Variants in CAMSAP1 observed in about 807,000 individuals in gnomAD.
The protein encoded by CAMSAP1 is calmodulin-regulated spectrin-associated protein 1.
A neutral mutation model predicts 143.5 loss-of-function variants in CAMSAP1; 58 were observed. That is an observed-to-expected ratio of 0.40 (90% CI 0.33 to 0.50). The LOEUF (loss-of-function observed/expected upper bound fraction) is 0.50. Ranked by LOEUF, CAMSAP1 falls within the 20% of genes least tolerant of loss-of-function variation. The probability of loss-of-function intolerance (pLI) is 0.45; values close to 1 mark genes in which losing one functional copy is unlikely to be tolerated. For missense variants in CAMSAP1, 1,969 were observed against 2,115.7 expected, an observed-to-expected ratio of 0.93 and a Z score of 1.36; for synonymous variants, 945 against 859.3, an observed-to-expected ratio of 1.10 and a Z score of -1.74.
chr9:135,871,141 C>T (rs1837557915), intron 3 of CAMSAP1, among the ~76,000 whole-genome samples: 1 of 152,122 alleles, frequency 6.6e-6, no homozygotes, highest in South Asian at 2.1e-4. Flanking sequence ...CTCTAGCAAG[C>T]CAGATAGTAA....
intron 1 of CAMSAP1, among the ~76,000 whole-genome samples, chr9:135,892,867 A>AAAAAAAAAAAAAAG (rs1554800261): frequency 5.0e-4 from 74 of 147,810 alleles, no homozygotes; most frequent in African/African-American, 1.7e-3. Context: ...AAAAAAAAAA[A>AAAAAAAAAAAAAAG]GAACTAATCA....
chr9:135,849,044 C>T (rs953629817), intron 7 of CAMSAP1, among the ~76,000 whole-genome samples: 2 of 152,226 alleles, frequency 1.3e-5, no homozygotes, highest in Non-Finnish European at 2.9e-5. Context: ...GATATATACC[C>T]GCACAGATGC....
intron 5 of CAMSAP1, among the ~76,000 whole-genome samples, chr9:135,861,475 G>T (rs1837190343): frequency 6.6e-6 from 1 of 152,058 alleles, no homozygotes; most frequent in South Asian, 2.1e-4. Flanking sequence ...ACCACACCTG[G>T]CTAATTTTTA....
Position 135,818,967 on chromosome 9 carries a change from AG to A in CAMSAP1, c.3959+42del, listed in dbSNP as rs767069279. On this transcript the variant is annotated intron_variant, in intron 12 of 16. Transcript: ENST00000389532. This position sits in a 1 kb window ranked among gnomAD's most constrained non-coding sequence, Gnocchi z 7.7. ...GGACCGGGGCCGCCAGGGACCCACC[AG>A]GCTCCTGCTCAGTCTGCTTTCCCCC... 418 of 1,594,988 alleles carry A rather than the reference AG, an allele frequency of 2.6e-4. 2 individuals are homozygous for A. The highest frequency in any genetic ancestry group is 3.2e-4 in the Admixed American group (19 of 59,124).
At chr9:135,904,750 T>TGAGGTCA (rs1838720531) in intron 1 of CAMSAP1, among the ~76,000 whole-genome samples, 1 of 151,366 alleles carries the variant, frequency 6.6e-6, no homozygotes, top group Non-Finnish European at 1.5e-5. Flanking sequence ...AGGCGGATCG[T>TGAGGTCA]GAGGTCAGGA....
chr9:135,906,299 C>G (rs1277362111), intron 1 of CAMSAP1, among the ~76,000 whole-genome samples: 1 of 152,208 alleles, frequency 6.6e-6, no homozygotes, highest in Non-Finnish European at 1.5e-5. Context: ...GAAATATTAA[C>G]CTTTAATTGT....
chr9:135,824,915 C>T lies in CAMSAP1; in HGVS notation c.1224-35G>A. 6.7e-7 allele frequency: 1 copy of T among 1,502,694 alleles called. No homozygotes were observed. The highest frequency in any genetic ancestry group is 9.1e-7 in the Non-Finnish European group (1 of 1,103,896). 93.1% of individuals were successfully genotyped at this position (1,502,694 alleles called of 1,614,324 possible). A position where few individuals can be genotyped will look rare whatever the true frequency, so the allele number is the denominator to read the frequency against. ...AAAAGAATTACAGGGAAAATCATTC[C>T]TTTATCAAACTTCAAGGTCAACAGC... On this transcript the variant is annotated intron_variant, in intron 8 of 16. Transcript: ENST00000389532. The surrounding 1 kb of genome is among the most constrained non-coding windows in gnomAD (Gnocchi z 4.1).
intron 4 of CAMSAP1, among the ~76,000 whole-genome samples, chr9:135,862,908 GCA>G (rs1837249211): frequency 6.6e-6 from 1 of 152,066 alleles, no homozygotes; most frequent in Non-Finnish European, 1.5e-5. Context: ...ACTAGTGCAG[GCA>G]CACACGGGAA....
At chr9:135,838,926 C>T (rs370967255) in intron 7 of CAMSAP1, among the ~76,000 whole-genome samples, 9 of 152,098 alleles carry the variant, frequency 5.9e-5, no homozygotes, top group African/African-American at 2.2e-4. Context: ...CACTTTCTAC[C>T]CATTCTTCAG....
intron 7 of CAMSAP1, among the ~76,000 whole-genome samples, chr9:135,830,323 A>G (rs899686641): frequency 1.3e-5 from 2 of 152,244 alleles, no homozygotes; most frequent in African/African-American, 2.4e-5. Context: ...CAGGAAACCC[A>G]CTTTTGAGTG....
intron 1 of CAMSAP1, among the ~76,000 whole-genome samples, chr9:135,893,178 AAGAAG>A (rs1838339706): frequency 6.6e-6 from 1 of 151,930 alleles, no homozygotes; most frequent in Admixed American, 6.6e-5. Flanking sequence ...GAAAGAAGAA[AAGAAG>A]AGAAGAGAGA....
intron 3 of CAMSAP1, among the ~76,000 whole-genome samples, chr9:135,866,952 C>G (rs1221779203): frequency 6.6e-6 from 1 of 152,186 alleles, no homozygotes; most frequent in Non-Finnish European, 1.5e-5. Context: ...TCACACATCC[C>G]AGACCATGCA....
intron 1 of CAMSAP1, among the ~76,000 whole-genome samples, chr9:135,886,647 G>A (rs1838132121): frequency 1.3e-5 from 2 of 152,242 alleles, no homozygotes; most frequent in African/African-American, 4.8e-5. Flanking sequence ...CACAAGGAAT[G>A]CAATGAGACC....
In CAMSAP1 at chr9:135,810,486, TAATG is replaced by T. The variant is rs1459714564; in HGVS notation, c.*819_*822del. On this transcript the variant is annotated 3_prime_UTR_variant, in exon 17 of 17. Coordinates refer to ENST00000389532, the MANE Select transcript of CAMSAP1 (RefSeq NM_015447.4). ...AACCATTAGAGCACTACCCAAAACT[TAATG>T]AATGATGGCTGCAGTTGGCTCGGCT... The T allele has an allele frequency of 6.6e-6, 1 of 152,648 alleles. No homozygotes were observed. The highest frequency in any genetic ancestry group is 2.4e-5 in the African/African-American group (1 of 41,446). The allele number at this position is 152,648 out of a possible 1,614,324, so 9.5% of individuals were successfully genotyped here. A position where few individuals can be genotyped will look rare whatever the true frequency, so the allele number is the denominator to read the frequency against.
chr9:135,896,863 T>C (rs1469586522), intron 1 of CAMSAP1, among the ~76,000 whole-genome samples: 1 of 152,164 alleles, frequency 6.6e-6, no homozygotes, highest in African/African-American at 2.4e-5. Context: ...ACAAGGGCCC[T>C]ACCCTCATGA....
rs1281699522 is a variant in CAMSAP1, at chr9:135,826,750, G to A, written c.1223+657C>T. On this transcript the variant is annotated intron_variant, in intron 8 of 16. Coordinates refer to ENST00000389532, the MANE Select transcript of CAMSAP1 (RefSeq NM_015447.4). This position sits in a 1 kb window ranked among gnomAD's most constrained non-coding sequence, Gnocchi z 4.4. Reference sequence around the variant, plus strand: ...AACTGGCTCCAGGCTGGCATCAGCTGTGGGTCCTCCTACCACACACAGCAC... The same window carrying A: ...AACTGGCTCCAGGCTGGCATCAGCTATGGGTCCTCCTACCACACACAGCAC... Among the ~76,000 whole-genome samples the A allele has an allele frequency of 6.6e-6, 1 of 152,158 alleles. No homozygotes were observed. Among genetic ancestry groups the A allele is most frequent in the Non-Finnish European group, 1.5e-5 (1 of 68,026 alleles).
chr9:135,896,689 A>G (rs976965899), intron 1 of CAMSAP1, among the ~76,000 whole-genome samples: 5 of 152,268 alleles, frequency 3.3e-5, no homozygotes, highest in African/African-American at 4.8e-5. Context: ...TGGGAAATAC[A>G]TAAGACAAAA....
At chr9:135,852,347 G>C (rs1324427611) in intron 5 of CAMSAP1, among the ~76,000 whole-genome samples, 2 of 152,112 alleles carry the variant, frequency 1.3e-5, no homozygotes, top group African/African-American at 4.8e-5. Context: ...TTTACATTTT[G>C]ATATGGTTAC....
At chr9:135,859,463 G>A (rs1297980722) in intron 5 of CAMSAP1, among the ~76,000 whole-genome samples, 1 of 152,104 alleles carries the variant, frequency 6.6e-6, no homozygotes, top group Non-Finnish European at 1.5e-5. Flanking sequence ...CACGATCTCG[G>A]CTCACTGCAA....
Sources: gnomAD v4.1 joint callset for allele counts (sites outside exome capture counted in the v4.1 genomes callset) on GRCh38, gnomAD v4.1.1 for gene constraint, Gnocchi (gnomAD v3.1) non-coding constraint, MANE v1.5 for transcripts, NCBI Gene and HGNC (gene_info 2026-07-23, HGNC 2026-07-21) for gene names.